Variants in CEP290 observed in about 807,000 individuals in gnomAD.
CEP290 encodes the protein centrosomal protein 290.
Under a neutral mutation model 344.9 loss-of-function variants are expected in CEP290, and 317 were observed. That is an observed-to-expected ratio of 0.92 (90% CI 0.84 to 1.01). The LOEUF (loss-of-function observed/expected upper bound fraction) is 1.01. CEP290 is among the 50% of genes least tolerant of loss of function. The pLI is 0.00. For missense variants in CEP290, 2,754 were observed against 2,761.4 expected, an observed-to-expected ratio of 1.00 and a Z score of 0.06; for synonymous variants, 932 against 895.8, an observed-to-expected ratio of 1.04 and a Z score of -0.72.
At position 88,118,044 on chromosome 12, in the gene CEP290, T is replaced by TTAATAA. The variant is rs537270767; in HGVS notation, c.1711+433_1711+438dup. On this transcript the variant is annotated intron_variant, in intron 17 of 53. Coordinates refer to ENST00000552810, the MANE Select transcript of CEP290 (RefSeq NM_025114.4). ...AACAAGACAGACTCCATCTCAAATA[T>TTAATAA]TAATAATAATAATAATAATAATAAC... Among the ~76,000 whole-genome samples, 85 of 150,140 alleles carry TTAATAA rather than the reference T, an allele frequency of 5.7e-4. No homozygotes were observed. In the East Asian group the frequency reaches 6.3e-3, roughly 11 times the overall value.
chr12:88,115,973 A>G, intron 18 of CEP290: 1 of 984,952 alleles, frequency 1.0e-6, no homozygotes, highest in Non-Finnish European at 1.2e-6. Context: ...TTACTTGGGA[A>G]TGAACCTGTT....
At position 88,071,899 on chromosome 12, in the gene CEP290, C is replaced by T; in HGVS notation, c.5737G>A (p.Glu1913Lys). The T allele has an allele frequency of 6.2e-7, 1 of 1,600,370 alleles. No homozygotes were observed. The highest frequency in any genetic ancestry group is 2.3e-5 in the East Asian group (1 of 43,980). ...TTGGCTTGCCACTTTTTACCTTCTT[C>T]CCACCTAATTAATTCTTCTTTAGCA... is the stretch of plus-strand genomic sequence containing the variant. ...KNAKEELIRW[E>K]EGKKWQAKIE... The change falls in exon 42 of 54, where the codon GAA (glutamate) becomes AAA (lysine). Residue 1913 changes from glutamate to lysine, a missense_variant. Transcript: ENST00000552810.
chr12:88,108,600 T>C (rs1226011552), intron 23 of CEP290, among the ~76,000 whole-genome samples: 6 of 152,190 alleles, frequency 3.9e-5, no homozygotes, highest in Non-Finnish European at 5.9e-5. Flanking sequence ...AATATGTTAG[T>C]TCCCTATAAA....
rs566634807 is a variant in CEP290, at chr12:88,068,532, G to A, written c.6125C>T (p.Ser2042Phe). 1.3e-6 allele frequency: 2 copies of A among 1,542,694 alleles called. No homozygotes were observed. The highest frequency in any genetic ancestry group is 2.8e-5 in the African/African-American group (2 of 71,378). ...AAGATATACACTTACTGAAGGCTTA[G>A]AATATGTATCCTTTGAAAACTGTTT... is the stretch of plus-strand genomic sequence containing the variant. ...LEKQFSKDTY[S>F]KPSISGIESD... Residue 2042 changes from serine (S) to phenylalanine (F), a missense_variant, in exon 44 of 54, where the codon TCT becomes TTT. Ser to Phe is a radical substitution (Grantham distance 155). Transcript: ENST00000552810.
chr12:88,139,654 T>C, intron 3 of CEP290, 90 bp from the exon 4 acceptor site: 1 of 971,116 alleles, frequency 1.0e-6, no homozygotes, highest in South Asian at 3.4e-5. Context: ...GTTATGATCC[T>C]TAGTGCCAGC....
At chr12:88,066,871 C>A (rs910618674) in intron 44 of CEP290, among the ~76,000 whole-genome samples, 2 of 152,136 alleles carry the variant, frequency 1.3e-5, no homozygotes, top group African/African-American at 4.8e-5. Flanking sequence ...CTCAAGCAAT[C>A]TTCCTGCCCC....
rs1427454201 is a variant in CEP290 at position 88,127,803 on chromosome 12, TG to T, written c.942+1142del. ...TTAAAACAGTTTACAACCCCAAAATTGGAAACTTCATAAACTTCACAAATTA... is the reference window on the plus strand; with the variant it reads ...TTAAAACAGTTTACAACCCCAAAATTGAAACTTCATAAACTTCACAAATTA... On this transcript the variant is annotated intron_variant, in intron 11 of 53. Transcript: ENST00000552810. 2.6e-4 allele frequency among the ~76,000 whole-genome samples: 39 copies of T among 152,044 alleles called. 1 individual carries two copies. Among genetic ancestry groups the T allele is most frequent in the Admixed American group, 2.5e-3 (38 of 15,268 alleles).
intron 27 of CEP290, among the ~76,000 whole-genome samples, chr12:88,094,258 G>T (rs189429124): frequency 4.6e-5 from 7 of 151,886 alleles, no homozygotes; most frequent in African/African-American, 1.7e-4. Context: ...AAAGGACTTA[G>T]TGTAGAAGTG....
Position 88,064,120 on chromosome 12 carries a change from AG to A in CEP290, c.6136-6del, listed in dbSNP as rs774591206. ...ATCTGACTCTATTCCTGAAATCTTC[AG>A]GGAAATGAAATTAGGAATATTTTTA... is the stretch of plus-strand genomic sequence containing the variant. On this transcript the variant is annotated splice_region_variant and splice_polypyrimidine_tract_variant and intron_variant, in intron 44 of 53. Coordinates refer to ENST00000552810, the MANE Select transcript of CEP290 (RefSeq NM_025114.4). 1 of 1,541,164 alleles carries A rather than the reference AG, an allele frequency of 6.5e-7. No homozygotes were observed. Among genetic ancestry groups the A allele is most frequent in the Non-Finnish European group, 8.7e-7 (1 of 1,144,528 alleles).
Position 88,062,703 on chromosome 12 carries a change from G to A in CEP290, c.6346C>T (p.His2116Tyr), listed in dbSNP as rs2034573032. The change falls in exon 46 of 54, where the codon CAT becomes TAT. Residue 2116 changes from histidine (H) to tyrosine (Y), a missense_variant. By Grantham distance (83) the His-to-Tyr change is moderately conservative. Coordinates refer to ENST00000552810, the MANE Select transcript of CEP290 (RefSeq NM_025114.4). Reference protein sequence around the residue: ...EKAEVQRKLGHVRGSGRSGKT... With the variant: ...EKAEVQRKLGYVRGSGRSGKT... ...AAATTCTCACATACCCCTCTAACATGGCCAAGTTTCCGCTGAACTTCTGCT... is the reference window on the plus strand; with the variant it reads ...AAATTCTCACATACCCCTCTAACATAGCCAAGTTTCCGCTGAACTTCTGCT... 7 of 1,602,426 alleles carry A rather than the reference G, an allele frequency of 4.4e-6. No homozygotes were observed. The highest frequency in any genetic ancestry group is 6.0e-6 in the Non-Finnish European group (7 of 1,173,234).
chr12:88,131,267 AGT>A (rs1565917320), intron 6 of CEP290, 49 bp from the exon 7 acceptor site: 24 of 1,312,804 alleles, frequency 1.8e-5, no homozygotes, highest in East Asian at 3.1e-5. Flanking sequence ...AAAATTCAGC[AGT>A]AATTTTTTTT....
chr12:88,116,003 T>C, intron 18 of CEP290: 18 of 985,360 alleles, frequency 1.8e-5, no homozygotes, highest in Non-Finnish European at 2.2e-5. Flanking sequence ...ATGTTGCTAC[T>C]TGTGATTTAT....
chr12:88,064,219 C>G (rs1016573634), intron 44 of CEP290, 104 bp from the exon 45 acceptor site: 7 of 961,074 alleles, frequency 7.3e-6, no homozygotes, highest in African/African-American at 3.4e-5. Context: ...TTTTTTTCCT[C>G]AAAGGAATAT....
intron 11 of CEP290, among the ~76,000 whole-genome samples, chr12:88,127,796 C>A (rs972038376): frequency 2.0e-5 from 3 of 151,880 alleles, no homozygotes; most frequent in South Asian, 4.2e-4. Context: ...GTTTACAACC[C>A]CAAAATTGGA....
chr12:88,139,189 T>C lies in CEP290; in HGVS notation c.253A>G (p.Asn85Asp). 8.8e-7 allele frequency: 1 copy of C among 1,132,222 alleles called. No individual in the cohort carries two copies. The highest frequency in any genetic ancestry group is 1.2e-6 in the Non-Finnish European group (1 of 820,228). 70.1% of individuals were successfully genotyped at this position (1,132,222 alleles called of 1,614,324 possible). A position where few individuals can be genotyped will look rare whatever the true frequency, so the allele number is the denominator to read the frequency against. Residue 85 changes from asparagine (N) to aspartate (D), a missense_variant and splice_region_variant, in exon 5 of 54, where the codon AAT becomes GAT. Physicochemically the swap from Asn to Asp is conservative, Grantham distance 23 (BLOSUM62 1). Coordinates refer to ENST00000552810, the MANE Select transcript of CEP290 (RefSeq NM_025114.4). ...TTCATTACTTTAGTTTTTAATTGAT[T>C]TTCTATTTTTTTAAAAAAAAAGAAA... ...KAGEEQAKFE[N>D]QLKTKVMKLE...
chr12:88,058,997 T>C lies in CEP290; in HGVS notation c.6669A>G (p.Leu2223=). The C allele has an allele frequency of 6.2e-7, 1 of 1,611,574 alleles. No homozygotes were observed. The highest frequency in any genetic ancestry group is 1.1e-5 in the South Asian group (1 of 90,386). Residue 2223 remains leucine, a synonymous_variant, in exon 49 of 54, where the codon TTA becomes TTG. Coordinates refer to ENST00000552810, the MANE Select transcript of CEP290 (RefSeq NM_025114.4). The part of the protein sequence containing the change: ...LKKETDAAEK[L]RIAKNNLEIL... ...TCTCTAAATTATTCTTTGCTATCCG[T>C]AATTTCTCTGCAGCATCAGTTTCCT...
Position 88,087,908 on chromosome 12 carries a change from G to A in CEP290, c.4066C>T (p.Leu1356Phe). 2 of 1,211,510 alleles carry A rather than the reference G, an allele frequency of 1.7e-6. No individual in the cohort carries two copies. The highest frequency in any genetic ancestry group is 2.1e-6 in the Non-Finnish European group (2 of 946,716). 75.0% of individuals were successfully genotyped at this position (1,211,510 alleles called of 1,614,324 possible). A position where few individuals can be genotyped will look rare whatever the true frequency, so the allele number is the denominator to read the frequency against. ...NWHMKIEELR[L>F]QELKLNRELV... is the part of the protein sequence containing the mutation. ...TCCCGATTTAGTTTAAGTTCTTGAA[G>A]ACGAAGTTCTTCTATTTTCATATGC... Residue 1356 changes from leucine to phenylalanine, a missense_variant, in exon 32 of 54, where the codon CTT becomes TTT. By Grantham distance (22) the Leu-to-Phe change is conservative. Transcript: ENST00000552810.
chr12:88,091,507 G>C (rs1346791827), intron 29 of CEP290, among the ~76,000 whole-genome samples: 1 of 151,888 alleles, frequency 6.6e-6, no homozygotes, highest in Non-Finnish European at 1.5e-5. Flanking sequence ...AAGTTTCTTT[G>C]CTTTGGGTTA....
At chr12:88,118,355 T>C (rs1185605019) in intron 17 of CEP290, 128 bp downstream of exon 17, 1 of 712,858 alleles carries the variant, frequency 1.4e-6, no homozygotes, top group African/African-American at 1.8e-5. Context: ...AGGTTATTAT[T>C]GTCATTTATT....
Sources: gnomAD v4.1 joint callset for allele counts (sites outside exome capture counted in the v4.1 genomes callset) on GRCh38, gnomAD v4.1.1 for gene constraint, MANE v1.5 for transcripts, NCBI Gene and HGNC (gene_info 2026-07-23, HGNC 2026-07-21) for gene names.